Variants in CLSTN2 observed in about 807,000 individuals in gnomAD.
CLSTN2 encodes calsyntenin-2.
A neutral mutation model predicts 101.2 loss-of-function variants in CLSTN2; 48 were observed. The observed-to-expected ratio is 0.47, with a 90% confidence interval of 0.38 to 0.60. The LOEUF (loss-of-function observed/expected upper bound fraction) is 0.60. Ranked by LOEUF, CLSTN2 falls within the 20% of genes least tolerant of loss-of-function variation. The pLI is 0.00. For synonymous variants in CLSTN2, 481 were observed against 463.6 expected (o/e 1.04, Z -0.48); for missense variants, 1,160 against 1,238.2 (o/e 0.94, Z 0.95).
At chr3:140,115,775 C>A (rs1484940503) in intron 1 of CLSTN2, among the ~76,000 whole-genome samples, 1 of 152,198 alleles carries the variant, frequency 6.6e-6, no homozygotes, top group East Asian at 1.9e-4. Context: ...ACGTCCCCAT[C>A]CTATTGTTCT....
rs1559907152 is a variant in CLSTN2, at chr3:140,566,510, T to C, written c.*257T>C. On this transcript the variant is annotated 3_prime_UTR_variant, in exon 17 of 17. Transcript: ENST00000458420. ...TGTAGCCTCCACTTCTGCCCTAAGT[T>C]CCCCAGCATCCTGACTACCTGTCTG... 3.9e-6 allele frequency: 2 copies of C among 511,880 alleles called. No homozygotes were observed. The highest frequency in any genetic ancestry group is 7.0e-6 in the Non-Finnish European group (2 of 284,248). 31.7% of individuals were successfully genotyped at this position (511,880 alleles called of 1,614,324 possible).
intron 2 of CLSTN2, among the ~76,000 whole-genome samples, chr3:140,402,262 G>A (rs1447882862): frequency 1.3e-5 from 2 of 152,184 alleles, no homozygotes; most frequent in African/African-American, 4.8e-5. Context: ...CCATGGAGTG[G>A]TTCCTTAGAA....
intron 1 of CLSTN2, among the ~76,000 whole-genome samples, chr3:140,108,097 G>A (rs1405278771): frequency 6.6e-6 from 1 of 152,166 alleles, no homozygotes; most frequent in Non-Finnish European, 1.5e-5. Flanking sequence ...AGTGTGTAGA[G>A]AATATAGAAA....
At chr3:140,072,869 T>C (rs1416863964) in intron 1 of CLSTN2, among the ~76,000 whole-genome samples, 1 of 152,232 alleles carries the variant, frequency 6.6e-6, no homozygotes, top group Non-Finnish European at 1.5e-5. Context: ...ATCCTTATGC[T>C]AATGAACTGA....
chr3:140,130,398 G>C (rs2009504528), intron 1 of CLSTN2, among the ~76,000 whole-genome samples: 1 of 152,206 alleles, frequency 6.6e-6, no homozygotes, highest in Admixed American at 6.5e-5. Context: ...GATCCTCAGA[G>C]CAGGTACTAA....
chr3:140,343,231 G>T (rs1034102577), intron 2 of CLSTN2, among the ~76,000 whole-genome samples: 5 of 152,186 alleles, frequency 3.3e-5, no homozygotes, highest in Admixed American at 1.3e-4. Context: ...CTGAAAGAGT[G>T]AAACGAAAAC....
intron 10 of CLSTN2, among the ~76,000 whole-genome samples, chr3:140,551,154 A>G (rs1935692175): frequency 6.6e-6 from 1 of 152,000 alleles, no homozygotes. Context: ...ATTAAAACAA[A>G]TTTCTTTCCT....
intron 2 of CLSTN2, among the ~76,000 whole-genome samples, chr3:140,200,000 C>T (rs1481585533): frequency 6.6e-6 from 1 of 152,164 alleles, no homozygotes; most frequent in Non-Finnish European, 1.5e-5. Context: ...TTATTTATGC[C>T]AGGATTAAAA....
intron 1 of CLSTN2, among the ~76,000 whole-genome samples, chr3:140,040,199 T>C (rs1050178649): frequency 2.0e-5 from 3 of 152,166 alleles, no homozygotes; most frequent in African/African-American, 7.2e-5. Context: ...TCTTTTTTGG[T>C]GTCTTTCAAT....
chr3:140,521,943 C>T (rs1046699194), intron 8 of CLSTN2, among the ~76,000 whole-genome samples: 8 of 152,174 alleles, frequency 5.3e-5, no homozygotes, highest in Admixed American at 1.3e-4. Flanking sequence ...CATTCCACCT[C>T]GCTGGGAATC....
intron 9 of CLSTN2, among the ~76,000 whole-genome samples, chr3:140,537,573 G>A (rs1034936229): frequency 1.3e-5 from 2 of 152,136 alleles, no homozygotes; most frequent in African/African-American, 4.8e-5. Context: ...TGTCCAGGAT[G>A]ACACAATATT....
At chr3:140,075,965 T>C (rs1012375560) in intron 1 of CLSTN2, among the ~76,000 whole-genome samples, 4 of 152,124 alleles carry the variant, frequency 2.6e-5, no homozygotes, top group African/African-American at 9.7e-5. Flanking sequence ...TCTACCCTCT[T>C]AAAAATATTC....
intron 2 of CLSTN2, among the ~76,000 whole-genome samples, chr3:140,211,730 A>G (rs1407962642): frequency 6.6e-6 from 1 of 151,978 alleles, no homozygotes; most frequent in Admixed American, 6.6e-5. Flanking sequence ...GAAGAAACCT[A>G]AATAACCCAC....
chr3:140,121,517 C>G (rs1196122491), intron 1 of CLSTN2, among the ~76,000 whole-genome samples: 1 of 152,126 alleles, frequency 6.6e-6, no homozygotes, highest in Non-Finnish European at 1.5e-5. Flanking sequence ...AGCTTCCTCT[C>G]CCTCTAGGCA....
At chr3:140,251,495 A>G (rs1459148129) in intron 2 of CLSTN2, among the ~76,000 whole-genome samples, 1 of 152,130 alleles carries the variant, frequency 6.6e-6, no homozygotes, top group Non-Finnish European at 1.5e-5. Flanking sequence ...AACTTTGAAG[A>G]TATTATCTTT....
chr3:140,414,689 A>G (rs2088407672), intron 4 of CLSTN2, among the ~76,000 whole-genome samples: 1 of 152,008 alleles, frequency 6.6e-6, no homozygotes, highest in Admixed American at 6.6e-5. Context: ...GTAAAAACCC[A>G]CTTGTACCCC....
intron 2 of CLSTN2, among the ~76,000 whole-genome samples, chr3:140,221,188 C>T (rs1336653639): frequency 1.3e-5 from 2 of 152,290 alleles, no homozygotes; most frequent in East Asian, 1.9e-4. Context: ...ATCAGTGAGA[C>T]AGGTCAACAA....
Position 140,435,912 on chromosome 3 carries a change from G to A in CLSTN2, c.788-12607G>A, listed in dbSNP as rs114367182. On this transcript the variant is annotated intron_variant, in intron 5 of 16. Transcript: ENST00000458420. The stretch of plus-strand genomic sequence containing the variant: ...CAAATATTTTGCCTATCCTTCGATC[G>A]AATTCCTAGAATTTTTTTCCTGTAG... Among the ~76,000 whole-genome samples the A allele has an allele frequency of 5.3e-3, 803 of 152,202 alleles. 5 individuals carry two copies. The highest frequency in any genetic ancestry group is 0.019 in the African/African-American group (775 of 41,534).
chr3:140,290,552 T>A (rs1333962313), intron 2 of CLSTN2, among the ~76,000 whole-genome samples: 1 of 152,154 alleles, frequency 6.6e-6, no homozygotes, highest in East Asian at 1.9e-4. Context: ...GAACACTCTC[T>A]TGTCTTCTGA....
Sources: gnomAD v4.1 joint callset for allele counts (sites outside exome capture counted in the v4.1 genomes callset) on GRCh38, gnomAD v4.1.1 for gene constraint, MANE v1.5 for transcripts, NCBI Gene and HGNC (gene_info 2026-07-23, HGNC 2026-07-21) for gene names.